CTNND1: variants seen among roughly 807,000 people sequenced by gnomAD.
CTNND1 encodes catenin delta-1.
Under a neutral mutation model 112.1 loss-of-function variants are expected in CTNND1, and 16 were observed. The observed-to-expected ratio is 0.14, with a 90% CI of 0.10 to 0.22. The LOEUF (loss-of-function observed/expected upper bound fraction) is 0.22, where lower values mean the gene tolerates loss of function less well. CTNND1 is among the 10% of genes least tolerant of loss of function. The pLI, the probability that CTNND1 is intolerant of heterozygous loss-of-function variation, is 1.00. For missense variants in CTNND1, 1,008 were observed against 1,257.0 expected (o/e 0.80, Z 3.00); for synonymous variants, 420 against 446.5 (o/e 0.94, Z 0.75).
intron 8 of CTNND1, among the ~76,000 whole-genome samples, chr11:57,804,228 C>T (rs1011401970): frequency 2.6e-5 from 4 of 152,178 alleles, no homozygotes; most frequent in East Asian, 3.8e-4. Context: ...AAGGTCTGTT[C>T]TTTCTGTGAT....
chr11:57,770,292 T>A (rs994722205), intron 1 of CTNND1, among the ~76,000 whole-genome samples: 3 of 151,402 alleles, frequency 2.0e-5, no homozygotes, highest in Admixed American at 2.0e-4. Flanking sequence ...ATCGCACCAC[T>A]GCACTCCAGC....
At chr11:57,770,027 A>C (rs1184781398) in intron 1 of CTNND1, among the ~76,000 whole-genome samples, 1 of 151,964 alleles carries the variant, frequency 6.6e-6, no homozygotes, top group African/African-American at 2.4e-5. Flanking sequence ...ATCTTTGTGG[A>C]GTGAAAAGAT....
At chr11:57,787,967 A>G (rs1483476180) in intron 1 of CTNND1, among the ~76,000 whole-genome samples, 3 of 152,212 alleles carry the variant, frequency 2.0e-5, no homozygotes, top group Non-Finnish European at 2.9e-5. Flanking sequence ...GGCCATCTAT[A>G]CACTTTCTCT....
At chr11:57,768,628 C>T (rs935342080) in intron 1 of CTNND1, among the ~76,000 whole-genome samples, 47 of 150,948 alleles carry the variant, frequency 3.1e-4, no homozygotes, top group Middle Eastern at 3.4e-3. Context: ...CTCCTGACCT[C>T]GTGATCCGCC....
Position 57,811,497 on chromosome 11 carries a change from C to A in CTNND1, c.2638+11C>A. The A allele has an allele frequency of 1.3e-6, 2 of 1,582,710 alleles. No individual in the cohort carries two copies. Among genetic ancestry groups the A allele is most frequent in the African/African-American group, 1.3e-5 (1 of 74,328 alleles). ...GGAACCAAAAATCAGGTGCAGTATCCAGAAGGCACACCCTCTCCTTTTAGC... is the reference window on the plus strand; with the variant it reads ...GGAACCAAAAATCAGGTGCAGTATCAAGAAGGCACACCCTCTCCTTTTAGC... On this transcript the variant is annotated intron_variant, in intron 17 of 20. Transcript: ENST00000399050.
rs1209942843 is a variant in CTNND1 at position 57,818,458 on chromosome 11, C to G, written c.*2150C>G. 1 of 152,440 alleles carries G rather than the reference C, an allele frequency of 6.6e-6. No individual in the cohort carries two copies. The highest frequency in any genetic ancestry group is 1.5e-5 in the Non-Finnish European group (1 of 68,016). 9.4% of individuals were successfully genotyped at this position (152,440 alleles called of 1,614,324 possible). On this transcript the variant is annotated 3_prime_UTR_variant, in exon 21 of 21. Transcript: ENST00000399050. Reference sequence around the variant, plus strand: ...TTTTTAAAGTGTGTATGTGGGGGGTCTGTGTCATTTCTTCACTTCAAGCTG... The same window carrying G: ...TTTTTAAAGTGTGTATGTGGGGGGTGTGTGTCATTTCTTCACTTCAAGCTG...
intron 1 of CTNND1, among the ~76,000 whole-genome samples, chr11:57,771,388 G>C (rs1952569161): frequency 6.6e-6 from 1 of 151,978 alleles, no homozygotes; most frequent in African/African-American, 2.4e-5. Flanking sequence ...GTAGTATGGA[G>C]GAAAGAACGT....
At chr11:57,780,639 A>G (rs1009410264) in intron 1 of CTNND1, among the ~76,000 whole-genome samples, 1 of 152,214 alleles carries the variant, frequency 6.6e-6, no homozygotes, top group African/African-American at 2.4e-5. Context: ...TCTTTCAGAT[A>G]AGGAGAAACA....
intron 1 of CTNND1, among the ~76,000 whole-genome samples, chr11:57,765,808 G>C (rs575790345): frequency 5.9e-5 from 9 of 152,194 alleles, no homozygotes; most frequent in African/African-American, 1.9e-4. Flanking sequence ...AGATAATGGA[G>C]GATTTAAAAT....
At chr11:57,815,574 A>G (rs1362200382) in intron 19 of CTNND1, 74 bp downstream of exon 19, 1 of 1,194,986 alleles carries the variant, frequency 8.4e-7, no homozygotes, top group East Asian at 2.4e-5. Context: ...TGTGAAACAC[A>G]AAAAAAAGTA....
intron 1 of CTNND1, among the ~76,000 whole-genome samples, chr11:57,766,751 C>T (rs573231200): frequency 4.7e-4 from 71 of 152,162 alleles, no homozygotes; most frequent in Admixed American, 2.0e-3. Context: ...ATGTATTTTT[C>T]GGAAGTAATT....
Position 57,789,163 on chromosome 11 carries a change from T to TG in CTNND1, c.-95+10dup. ...GCGACCTTCTCTTAACAGGTGTGTATGGAAATATGTTTATTAAGAAGGAAA... is the reference window on the plus strand; with the variant it reads ...GCGACCTTCTCTTAACAGGTGTGTATGGGAAATATGTTTATTAAGAAGGAAA... On this transcript the variant is annotated intron_variant, in intron 2 of 20. Transcript: ENST00000399050. 1 of 1,441,288 alleles carries TG rather than the reference T, an allele frequency of 6.9e-7. No homozygotes were observed. The highest frequency in any genetic ancestry group is 9.2e-7 in the Non-Finnish European group (1 of 1,085,612). 89.3% of individuals were successfully genotyped at this position (1,441,288 alleles called of 1,614,324 possible).
At position 57,795,718 on chromosome 11, in the gene CTNND1, A is replaced by G; in HGVS notation, c.409A>G (p.Thr137Ala). ...CTCAGATGATGGGACCACTCGGCGC[A>G]CAGAGACCACGGTAAACTAAGACGT... The part of the protein sequence containing the change: ...ETSDDGTTRR[T>A]ETTVKKVVKT... The change falls in exon 5 of 21, where the codon ACA becomes GCA. Residue 137 changes from threonine (T) to alanine (A), a missense_variant. By Grantham distance (58) the Thr-to-Ala change is moderately conservative (BLOSUM62 0). This residue lies in a region of CTNND1 where 404 missense variants were observed against 457.9 expected (regional missense o/e 0.88). Transcript: ENST00000399050. 4 of 1,597,162 alleles carry G rather than the reference A, an allele frequency of 2.5e-6. No homozygotes were observed. Among genetic ancestry groups the G allele is most frequent in the Non-Finnish European group, 3.4e-6 (4 of 1,174,596 alleles).
chr11:57,791,330 C>T (rs1237437825), intron 2 of CTNND1, 55 bp from the exon 3 acceptor site: 1 of 1,263,358 alleles, frequency 7.9e-7, no homozygotes, highest in Non-Finnish European at 1.0e-6. Flanking sequence ...AATAATTCAT[C>T]TGTCTTCTCT....
In CTNND1 at chr11:57,789,076, A is replaced by T; in HGVS notation, c.-174A>T. 1 of 1,535,368 alleles carries T rather than the reference A, an allele frequency of 6.5e-7. No individual in the cohort carries two copies. Among genetic ancestry groups the T allele is most frequent in the Non-Finnish European group, 8.7e-7 (1 of 1,146,838 alleles). On this transcript the variant is annotated 5_prime_UTR_variant, in exon 2 of 21. An upstream start codon of the reference 5' UTR is lost. Transcript: ENST00000399050. ...CTTCCTCCTTGCTGTGGTGGCTGGG[A>T]TGCTTCTTCCATGATTTTTTGAATC...
chr11:57,773,398 G>T (rs1205990955), intron 1 of CTNND1, among the ~76,000 whole-genome samples: 2 of 151,292 alleles, frequency 1.3e-5, no homozygotes, highest in Non-Finnish European at 2.9e-5. Flanking sequence ...CTCCCAAAGT[G>T]CAGTAATTAC....
intron 1 of CTNND1, among the ~76,000 whole-genome samples, chr11:57,773,318 A>T (rs1327900109): frequency 6.6e-6 from 1 of 151,950 alleles, no homozygotes; most frequent in African/African-American, 2.4e-5. Context: ...TTTTTTGTAG[A>T]GACATGGTCT....
At chr11:57,806,088 G>C in intron 10 of CTNND1, 53 bp downstream of exon 10, 1 of 1,557,092 alleles carries the variant, frequency 6.4e-7, no homozygotes. Flanking sequence ...GGAAAGGAAG[G>C]AACACTTTAG....
At position 57,794,059 on chromosome 11, in the gene CTNND1, A is replaced by T; in HGVS notation, c.245A>T (p.Asp82Val). 6.2e-7 allele frequency: 1 copy of T among 1,613,978 alleles called. No individual in the cohort carries two copies. Among genetic ancestry groups the T allele is most frequent in the Non-Finnish European group, 8.5e-7 (1 of 1,179,892 alleles). ...DADLERQKFS[D>V]LKLNGPQDHS... ...GACCTTGAAAGACAGAAATTTTCAG[A>T]TTTGAAACTCAACGGACCCCAGGTA... The change falls in exon 4 of 21, where the codon GAT becomes GTT. Residue 82 changes from aspartate (D) to valine (V), a missense_variant. Physicochemically the swap from Asp to Val is radical, Grantham distance 152. Transcript: ENST00000399050.
Sources: allele counts gnomAD v4.1 joint callset (sites outside exome capture counted in the v4.1 genomes callset), GRCh38; gene constraint gnomAD v4.1.1; regional missense constraint gnomAD v4.1.1; transcripts MANE v1.5; gene names NCBI Gene and HGNC (gene_info 2026-07-23, HGNC 2026-07-21).